CDKN2C: variants seen among roughly 807,000 people sequenced by gnomAD.
The protein encoded by CDKN2C is cyclin-dependent kinase 4 inhibitor C.
A neutral mutation model predicts 11.0 loss-of-function variants in CDKN2C; 5 were observed. The ratio of observed to expected loss-of-function variants is 0.45; its 90% CI spans 0.24 to 0.95. The LOEUF (loss-of-function observed/expected upper bound fraction) is 0.95, where lower values mean the gene tolerates loss of function less well. Ranked by LOEUF, CDKN2C falls within the 40% of genes least tolerant of loss-of-function variation. The pLI is 0.21. For synonymous variants in CDKN2C, 79 were observed against 88.3 expected, an observed-to-expected ratio of 0.89 and a Z score of 0.59; for missense variants, 161 against 211.9, an observed-to-expected ratio of 0.76 and a Z score of 1.49.
chr1:50,970,892 G>GC (rs1372977940), intron 1 of CDKN2C, among the ~76,000 whole-genome samples: 1 of 152,086 alleles, frequency 6.6e-6, no homozygotes, highest in Non-Finnish European at 1.5e-5. Context: ...TACGTACTTT[G>GC]CCCCCAATAA....
Sources: gnomAD v4.1 joint callset for allele counts (sites outside exome capture counted in the v4.1 genomes callset) on GRCh38, gnomAD v4.1.1 for gene constraint, MANE v1.5 for transcripts, NCBI Gene and HGNC (gene_info 2026-07-23, HGNC 2026-07-21) for gene names.